NECAB1: variants seen among roughly 807,000 people sequenced by gnomAD.
The protein encoded by NECAB1 is N-terminal EF-hand calcium-binding protein 1.
NECAB1 carries 29 observed loss-of-function variants against 57.5 expected under a neutral mutation model. That is an observed-to-expected ratio of 0.50 (90% CI 0.38 to 0.69). NECAB1 has a LOEUF of 0.69. NECAB1 is among the 30% of genes least tolerant of loss of function. NECAB1 has a pLI of 0.00. For synonymous variants in NECAB1, 142 were observed against 147.7 expected, an observed-to-expected ratio of 0.96 and a Z score of 0.28; for missense variants, 372 against 413.8, an observed-to-expected ratio of 0.90 and a Z score of 0.88.
At chr8:90,847,105 T>A (rs1037979212) in intron 3 of NECAB1, among the ~76,000 whole-genome samples, 1 of 152,214 alleles carries the variant, frequency 6.6e-6, no homozygotes, top group African/African-American at 2.4e-5. Context: ...CCCTTCCACC[T>A]ATGAGCCTGT....
rs1173850071 is a variant in NECAB1, at chr8:90,855,732, G to A, written c.234-16396G>A. Among the ~76,000 whole-genome samples the A allele has an allele frequency of 2.0e-5, 3 of 152,124 alleles. No homozygotes were observed. In the East Asian group the frequency reaches 5.8e-4, roughly 29 times the overall value. ...GACTGTTTCCTCTGGAGGGATATTTGAGGGACTAGTTTTACCCAATTTTGG... is the reference window on the plus strand; with the variant it reads ...GACTGTTTCCTCTGGAGGGATATTTAAGGGACTAGTTTTACCCAATTTTGG... On this transcript the variant is annotated intron_variant, in intron 3 of 12. Coordinates refer to ENST00000417640, the MANE Select transcript of NECAB1 (RefSeq NM_022351.5).
intron 5 of NECAB1, among the ~76,000 whole-genome samples, chr8:90,898,427 T>C (rs1809416481): frequency 6.6e-6 from 1 of 152,232 alleles, no homozygotes; most frequent in African/African-American, 2.4e-5. Flanking sequence ...TTTGGGAATC[T>C]GTAAAACCAC....
At chr8:90,933,339 A>G (rs1810454922) in intron 8 of NECAB1, among the ~76,000 whole-genome samples, 1 of 152,194 alleles carries the variant, frequency 6.6e-6, no homozygotes, top group Non-Finnish European at 1.5e-5. Context: ...ATGCCCGCCA[A>G]TCAATGAGTG....
chr8:90,937,858 G>C (rs1444687103), intron 9 of NECAB1, among the ~76,000 whole-genome samples: 20 of 152,004 alleles, frequency 1.3e-4, no homozygotes, highest in Admixed American at 1.3e-3. Flanking sequence ...ATAATGTCTT[G>C]AAGTCATTCC....
chr8:90,916,991 TTTTC>T (rs889152532), intron 5 of NECAB1, among the ~76,000 whole-genome samples: 2 of 152,144 alleles, frequency 1.3e-5, no homozygotes, highest in African/African-American at 2.4e-5. Flanking sequence ...CTACACATAA[TTTTC>T]TTTGTCTTCA....
intron 5 of NECAB1, among the ~76,000 whole-genome samples, chr8:90,892,139 C>T (rs1809195834): frequency 6.6e-6 from 1 of 152,186 alleles, no homozygotes; most frequent in Non-Finnish European, 1.5e-5. Context: ...TCCTGGTTTT[C>T]TCAGGAGCAT....
At chr8:90,912,385 C>T (rs939083854) in intron 5 of NECAB1, among the ~76,000 whole-genome samples, 26 of 152,164 alleles carry the variant, frequency 1.7e-4, no homozygotes, top group Non-Finnish European at 2.4e-4. Context: ...AGTTTGTCAA[C>T]GTAAAGGTCT....
At chr8:90,910,377 T>G (rs1809802549) in intron 5 of NECAB1, among the ~76,000 whole-genome samples, 1 of 152,172 alleles carries the variant, frequency 6.6e-6, no homozygotes, top group South Asian at 2.1e-4. Flanking sequence ...TTAATAATTT[T>G]TTGCTGCTTT....
At chr8:90,853,642 A>C (rs1273973785) in intron 3 of NECAB1, among the ~76,000 whole-genome samples, 1 of 152,204 alleles carries the variant, frequency 6.6e-6, no homozygotes, top group Non-Finnish European at 1.5e-5. Context: ...TGGAGAGAAT[A>C]CAATATTAAA....
chr8:90,859,771 T>A (rs1812862239), intron 3 of NECAB1, among the ~76,000 whole-genome samples: 3 of 152,162 alleles, frequency 2.0e-5, no homozygotes, highest in Admixed American at 6.6e-5. Flanking sequence ...ACTCAGCCAA[T>A]TGAAACAGAG....
At chr8:90,820,770 C>T (rs1294825164) in intron 2 of NECAB1, among the ~76,000 whole-genome samples, 2 of 151,176 alleles carry the variant, frequency 1.3e-5, no homozygotes, top group Non-Finnish European at 3.0e-5. Context: ...CCTTAAATAC[C>T]CATTTTCTGT....
At chr8:90,904,660 A>T (rs922620846) in intron 5 of NECAB1, among the ~76,000 whole-genome samples, 4 of 152,036 alleles carry the variant, frequency 2.6e-5, no homozygotes, top group African/African-American at 9.7e-5. Flanking sequence ...CTCTAAGCAA[A>T]TTTCCAAAAG....
At chr8:90,843,710 G>A (rs760218857) in intron 3 of NECAB1, among the ~76,000 whole-genome samples, 7 of 152,204 alleles carry the variant, frequency 4.6e-5, no homozygotes, top group Non-Finnish European at 1.0e-4. Context: ...GCTAGAAACT[G>A]TGCAAATGCA....
At chr8:90,874,344 A>G (rs1808676105) in intron 4 of NECAB1, among the ~76,000 whole-genome samples, 1 of 152,230 alleles carries the variant, frequency 6.6e-6, no homozygotes, top group African/African-American at 2.4e-5. Context: ...TCAGTTACTA[A>G]GTTAAGGACC....
intron 5 of NECAB1, among the ~76,000 whole-genome samples, chr8:90,886,360 C>T (rs1808988587): frequency 6.6e-6 from 1 of 151,918 alleles, no homozygotes; most frequent in Non-Finnish European, 1.5e-5. Context: ...TTACTATCTG[C>T]TAAATACTTA....
intron 5 of NECAB1, among the ~76,000 whole-genome samples, chr8:90,901,685 T>C (rs1259033524): frequency 6.6e-6 from 1 of 152,198 alleles, no homozygotes; most frequent in African/African-American, 2.4e-5. Flanking sequence ...CCTGTGAAAT[T>C]TGTATAGTAC....
chr8:90,923,513 A>C (rs1810181912), intron 6 of NECAB1, among the ~76,000 whole-genome samples: 2 of 152,240 alleles, frequency 1.3e-5, no homozygotes, highest in Admixed American at 1.3e-4. Flanking sequence ...TGAAGACTGC[A>C]AGTTGGCAAT....
intron 8 of NECAB1, 116 bp from the exon 9 acceptor site, chr8:90,934,188 T>G: frequency 2.9e-6 from 2 of 684,890 alleles, no homozygotes; most frequent in South Asian, 4.2e-5. Flanking sequence ...ATCTTTAAGA[T>G]AATGAAGTTC....
In NECAB1 at chr8:90,808,037, A is replaced by G. The variant is rs575317925; in HGVS notation, c.124+6322A>G. On this transcript the variant is annotated intron_variant, in intron 2 of 12. Coordinates refer to ENST00000417640, the MANE Select transcript of NECAB1 (RefSeq NM_022351.5). ...GTATGACTTTTTTTTTCTAAAATGC[A>G]AAGCACTTTCACACCCATAAATGTG... Among the ~76,000 whole-genome samples, 10 of 152,312 alleles carry G rather than the reference A, an allele frequency of 6.6e-5. No individual in the cohort carries two copies. In the South Asian group the frequency reaches 1.9e-3, roughly 28 times the overall value.
Sources: gnomAD v4.1 joint callset for allele counts (sites outside exome capture counted in the v4.1 genomes callset) on GRCh38, gnomAD v4.1.1 for gene constraint, MANE v1.5 for transcripts, NCBI Gene and HGNC (gene_info 2026-07-23, HGNC 2026-07-21) for gene names.